The following THRA variants were observed in gnomAD, a reference collection of about 807,000 sequenced individuals.
THRA encodes thyroid hormone receptor alpha.
A neutral mutation model predicts 45.0 loss-of-function variants in THRA; 13 were observed. The observed-to-expected ratio is 0.29, with a 90% CI of 0.19 to 0.46. THRA has a LOEUF of 0.46. Ranked by LOEUF, THRA falls within the 20% of genes least tolerant of loss-of-function variation. The pLI is 1.00. For missense variants in THRA, 278 were observed against 556.1 expected (o/e 0.50, Z 5.03); for synonymous variants, 195 against 214.0 (o/e 0.91, Z 0.78).
rs149986300 is a variant in THRA, at chr17:40,087,308, GACAC to G, written c.723+469_723+472del. Among the ~76,000 whole-genome samples, 16 of 105,496 alleles carry G rather than the reference GACAC, an allele frequency of 1.5e-4. 1 individual carries two copies. The highest frequency in any genetic ancestry group is 8.8e-4 in the Admixed American group (8 of 9,062). The allele number at this position is 105,496 out of a possible 152,430, so 69.2% of individuals were successfully genotyped here. On this transcript the variant is annotated intron_variant, in intron 7 of 8. Transcript: ENST00000450525. The stretch of plus-strand genomic sequence containing the variant: ...ACATAGACACACACACACAGATACA[GACAC>G]ACACACACACACAGACATATACACC...
rs1462667833 is a variant in THRA, at chr17:40,078,503, T to A, written c.222+895T>A. Among the ~76,000 whole-genome samples, 8 of 152,086 alleles carry A rather than the reference T, an allele frequency of 5.3e-5. No individual in the cohort carries two copies. The East Asian group carries it at 9.7e-4, about 18-fold the overall frequency. On this transcript the variant is annotated intron_variant, in intron 4 of 8. Transcript: ENST00000450525. ...CTCAAAGTAAAATAATAAAATAAAA[T>A]AAAAAATAGTGCCATGTGCATAAGA...
chr17:40,076,518 G>A (rs1317732385), intron 2 of THRA, among the ~76,000 whole-genome samples: 1 of 152,182 alleles, frequency 6.6e-6, no homozygotes, highest in Non-Finnish European at 1.5e-5. Context: ...GTGTTCTAAA[G>A]GCTACATAGC....
chr17:40,086,731 A>T lies in THRA; in HGVS notation c.601A>T (p.Ile201Phe), dbSNP rs1456034663. The T allele has an allele frequency of 1.2e-6, 2 of 1,613,886 alleles. No individual in the cohort carries two copies. Among genetic ancestry groups the T allele is most frequent in the Non-Finnish European group, 1.7e-6 (2 of 1,179,992 alleles). Residue 201 changes from isoleucine (I) to phenylalanine (F), a missense_variant, in exon 7 of 9, where the codon ATT (isoleucine) becomes TTT (phenylalanine). Around this residue, in one of 6 missense-constraint regions of THRA, gnomAD observed 111 missense variants for 167.1 expected, o/e 0.66. Coordinates refer to ENST00000450525, the MANE Select transcript of THRA (RefSeq NM_199334.5). ...GCCCGATGACATTGGCCAGTCACCC[A>T]TTGTCTCCATGCCGGACGGAGACAA... ...FLPDDIGQSP[I>F]VSMPDGDKVD...
At position 40,076,734 on chromosome 17, in the gene THRA, G is replaced by A; in HGVS notation, c.54-137G>A. The A allele has an allele frequency of 1.2e-5, 10 of 842,976 alleles. No homozygotes were observed. In the South Asian group the frequency reaches 1.7e-4, roughly 15 times the overall value. 52.2% of individuals were successfully genotyped at this position (842,976 alleles called of 1,614,324 possible). On this transcript the variant is annotated intron_variant, in intron 2 of 8. Transcript: ENST00000450525. ...TGGACCCTTTTAAGCATTGTCAGCT[G>A]ACCCTGGGGGGTGGGAGGTAGAATG...
intron 1 of THRA, among the ~76,000 whole-genome samples, chr17:40,067,221 A>G (rs983119519): frequency 2.0e-5 from 3 of 152,138 alleles, no homozygotes; most frequent in Non-Finnish European, 4.4e-5. Flanking sequence ...TTCAGCTTAC[A>G]AGGAGCCCTT....
At position 40,083,988 on chromosome 17, in the gene THRA, G is replaced by GGGT; in HGVS notation, c.370+8_370+9insTGG. ...CGTGGGCATGGCCATGGACTGTAAGGGGCCCAGGTGGAGGGAATAGAGCCA... is the reference window on the plus strand; with the variant it reads ...CGTGGGCATGGCCATGGACTGTAAGGGGTGGCCCAGGTGGAGGGAATAGAGCCA... On this transcript the variant is annotated splice_region_variant and intron_variant, in intron 5 of 8. Coordinates refer to ENST00000450525, the MANE Select transcript of THRA (RefSeq NM_199334.5). 1.2e-6 allele frequency: 2 copies of GGGT among 1,607,184 alleles called. No homozygotes were observed. The highest frequency in any genetic ancestry group is 1.1e-5 in the South Asian group (1 of 90,300).
chr17:40,083,984 T>TTCTAGATGACTCG lies in THRA; in HGVS notation c.370+2_370+3insTCTAGATGACTCG. On this transcript the variant is annotated splice_region_variant and intron_variant, in intron 5 of 8. Coordinates refer to ENST00000450525, the MANE Select transcript of THRA (RefSeq NM_199334.5). Reference sequence around the variant, plus strand: ...TCGCCGTGGGCATGGCCATGGACTGTAAGGGGCCCAGGTGGAGGGAATAGA... The same window carrying TTCTAGATGACTCG: ...TCGCCGTGGGCATGGCCATGGACTGTTCTAGATGACTCGAAGGGGCCCAGGTGGAGGGAATAGA... 2 of 1,609,068 alleles carry TTCTAGATGACTCG rather than the reference T, an allele frequency of 1.2e-6. No individual in the cohort carries two copies. The highest frequency in any genetic ancestry group is 1.1e-5 in the South Asian group (1 of 90,496).
chr17:40,069,601 G>T (rs753523733), intron 1 of THRA, among the ~76,000 whole-genome samples: 1 of 152,106 alleles, frequency 6.6e-6, no homozygotes, highest in Non-Finnish European at 1.5e-5. Flanking sequence ...TGCTGGGGGA[G>T]GGTGGGGAGA....
At chr17:40,075,416 G>T (rs922492246) in intron 2 of THRA, among the ~76,000 whole-genome samples, 1 of 152,198 alleles carries the variant, frequency 6.6e-6, no homozygotes, top group East Asian at 1.9e-4. Context: ...CCACAACTGG[G>T]TCCCTGGAGG....
intron 6 of THRA, among the ~76,000 whole-genome samples, chr17:40,085,255 G>A (rs894799343): frequency 6.6e-6 from 1 of 152,154 alleles, no homozygotes; most frequent in Non-Finnish European, 1.5e-5. Context: ...CCAGCAATTT[G>A]TGAGACCAAG....
At chr17:40,072,529 G>A (rs540348933) in intron 1 of THRA, among the ~76,000 whole-genome samples, 21 of 152,258 alleles carry the variant, frequency 1.4e-4, no homozygotes, top group African/African-American at 4.8e-4. Context: ...GGTGTGCCAA[G>A]CACCGAGGCA....
intron 4 of THRA, among the ~76,000 whole-genome samples, chr17:40,083,328 A>G (rs951300012): frequency 2.6e-5 from 4 of 151,154 alleles, no homozygotes; most frequent in Non-Finnish European, 5.9e-5. Flanking sequence ...TGGCCTCCCA[A>G]AGTTCTGGGA....
intron 7 of THRA, 75 bp downstream of exon 7, chr17:40,086,928 C>T: frequency 6.3e-7 from 1 of 1,587,140 alleles, no homozygotes; most frequent in African/African-American, 1.3e-5. Context: ...CCAGTACAGG[C>T]TCATCTGAGG....
At chr17:40,081,240 C>T (rs1987127773) in intron 4 of THRA, among the ~76,000 whole-genome samples, 1 of 151,796 alleles carries the variant, frequency 6.6e-6, no homozygotes, top group Admixed American at 6.6e-5. Flanking sequence ...CCATGAAAGA[C>T]AAGGCTTATC....
At chr17:40,081,281 G>A (rs973172996) in intron 4 of THRA, among the ~76,000 whole-genome samples, 1 of 151,126 alleles carries the variant, frequency 6.6e-6, no homozygotes, top group African/African-American at 2.4e-5. Flanking sequence ...TTGTAATGGG[G>A]TCTCTGTCAC....
chr17:40,078,382 T>C (rs946614376), intron 4 of THRA, among the ~76,000 whole-genome samples: 10 of 152,202 alleles, frequency 6.6e-5, no homozygotes, highest in African/African-American at 1.7e-4. Context: ...CTCAGGAGGC[T>C]GAGGTGGGAG....
chr17:40,065,810 G>C (rs1004498201), intron 1 of THRA, among the ~76,000 whole-genome samples: 1 of 152,038 alleles, frequency 6.6e-6, no homozygotes, highest in Non-Finnish European at 1.5e-5. Context: ...CTGACCCCTC[G>C]GGCCTGCATG....
chr17:40,069,263 C>T (rs934419533), intron 1 of THRA, among the ~76,000 whole-genome samples: 1 of 150,506 alleles, frequency 6.6e-6, no homozygotes, highest in South Asian at 2.1e-4. Context: ...CCTCCCTCCT[C>T]CCTTTCTGTC....
downstream of THRA, chr17:40,093,281 G>A: frequency 6.2e-7 from 1 of 1,613,668 alleles, no homozygotes; most frequent in Non-Finnish European, 8.5e-7. This position sits in a 1 kb window ranked among gnomAD's most constrained non-coding sequence, Gnocchi z 5.9. Context: ...TGCCCGAGCG[G>A]TCTGTGGGGA....
Sources: allele counts gnomAD v4.1 joint callset (sites outside exome capture counted in the v4.1 genomes callset), GRCh38; gene constraint gnomAD v4.1.1; regional missense constraint gnomAD v4.1.1; non-coding constraint Gnocchi (gnomAD v3.1); transcripts MANE v1.5; gene names NCBI Gene and HGNC (gene_info 2026-07-23, HGNC 2026-07-21).